PAQR6: variants seen among roughly 807,000 people sequenced by gnomAD.
The protein encoded by PAQR6 is progestin and adipoQ receptor family member 6.
A neutral mutation model predicts 36.2 loss-of-function variants in PAQR6; 34 were observed. That is an observed-to-expected ratio of 0.94 (90% CI 0.71 to 1.25). The LOEUF (loss-of-function observed/expected upper bound fraction) is 1.25. Among genes scored for constraint, PAQR6 ranks in the 50% most tolerant of loss-of-function variants. The pLI, the probability that PAQR6 is intolerant of heterozygous loss-of-function variation, is 0.00. For missense variants in PAQR6, 431 were observed against 445.7 expected, an observed-to-expected ratio of 0.97 and a Z score of 0.30; for synonymous variants, 190 against 190.7, an observed-to-expected ratio of 1.00 and a Z score of 0.03.
chr1:156,247,964 T>TTGGTGGGTGCTCCTAAGC lies in PAQR6; in HGVS notation c.-51_-34dup, dbSNP rs34246510. On this transcript the variant is annotated 5_prime_UTR_variant, in exon 1 of 8. Coordinates refer to ENST00000292291, the MANE Select transcript of PAQR6 (RefSeq NM_198406.3). ...GAAGGTGAGCTTCCTTACCCAGAGC[T>TTGGTGGGTGCTCCTAAGC]TGGTGGGTGCTCCTAAGCTGGTGGG... 2.2e-6 allele frequency: 1 copy of TTGGTGGGTGCTCCTAAGC among 461,664 alleles called. No individual in the cohort carries two copies. Among genetic ancestry groups the TTGGTGGGTGCTCCTAAGC allele is most frequent in the East Asian group, 7.2e-5 (1 of 13,928 alleles). 28.6% of individuals were successfully genotyped at this position (461,664 alleles called of 1,614,324 possible).
chr1:156,246,115 C>T lies in PAQR6; in HGVS notation c.179+8G>A, dbSNP rs773087107. 5 of 1,611,016 alleles carry T rather than the reference C, an allele frequency of 3.1e-6. No homozygotes were observed. Among genetic ancestry groups the T allele is most frequent in the Middle Eastern group, 1.7e-4 (1 of 6,060 alleles). On this transcript the variant is annotated splice_region_variant and intron_variant, in intron 3 of 7. Transcript: ENST00000292291. Reference sequence around the variant, plus strand: ...AAGGCCGCGGCCTGGGGCGGAGCCTCCCCTCACCAGGTGGGCAGGAAGTGA... The same window carrying T: ...AAGGCCGCGGCCTGGGGCGGAGCCTTCCCTCACCAGGTGGGCAGGAAGTGA...
In PAQR6 at chr1:156,243,986, C is replaced by T; in HGVS notation, c.*143G>A. 1 of 1,614,178 alleles carries T rather than the reference C, an allele frequency of 6.2e-7. No homozygotes were observed. Among genetic ancestry groups the T allele is most frequent in the Non-Finnish European group, 8.5e-7 (1 of 1,180,022 alleles). ...CCTAGACACCCCTCCTCTTCTCTGC[C>T]CTCTCTCCTGTGCCCTCTCTCCTCA... is the stretch of plus-strand genomic sequence containing the variant. On this transcript the variant is annotated 3_prime_UTR_variant, in exon 8 of 8. Coordinates refer to ENST00000292291, the MANE Select transcript of PAQR6 (RefSeq NM_198406.3).
Position 156,245,522 on chromosome 1 carries a change from C to A in PAQR6, c.512+13G>T. 6.2e-7 allele frequency: 1 copy of A among 1,611,752 alleles called. No homozygotes were observed. Among genetic ancestry groups the A allele is most frequent in the Non-Finnish European group, 8.5e-7 (1 of 1,179,910 alleles). On this transcript the variant is annotated intron_variant, in intron 5 of 7. Transcript: ENST00000292291. ...GCCTTCCCCGTCCCCACTGGAGGGG[C>A]CTGGGAACCCACCGGGAGTAGCAGG... is the stretch of plus-strand genomic sequence containing the variant.
At position 156,245,953 on chromosome 1, in the gene PAQR6, C is replaced by T; in HGVS notation, c.214G>A (p.Gly72Ser). The change falls in exon 4 of 8, where the codon GGC becomes AGC. Residue 72 changes from glycine to serine, a missense_variant. Gly to Ser is a moderately conservative substitution (Grantham distance 56, BLOSUM62 0). Transcript: ENST00000292291. ...TACGGCTCCGCACGGAAGCCGGGGC[C>T]GCCCGCCAGCGCCAGGAGCCGCCAC... The part of the protein sequence containing the change: ...FLWRLLALAG[G>S]PGFRAEPYHW... The T allele has an allele frequency of 6.5e-7, 1 of 1,530,406 alleles. No homozygotes were observed. Among genetic ancestry groups the T allele is most frequent in the Non-Finnish European group, 8.8e-7 (1 of 1,141,720 alleles). 94.8% of individuals were successfully genotyped at this position (1,530,406 alleles called of 1,614,324 possible).
intron 5 of PAQR6, 130 bp from the exon 6 acceptor site, chr1:156,245,368 G>GA (rs1660230064): frequency 9.5e-6 from 13 of 1,364,824 alleles, no homozygotes; most frequent in Non-Finnish European, 1.3e-5. Flanking sequence ...TAGGGCATAT[G>GA]ACCTCCTGTG....
intron 1 of PAQR6, 83 bp from the exon 2 acceptor site, chr1:156,246,839 G>T: frequency 8.0e-7 from 1 of 1,245,986 alleles, no homozygotes; most frequent in Non-Finnish European, 1.1e-6. Context: ...CGCAGGATGG[G>T]CTGTGCGTGT....
At position 156,245,622 on chromosome 1, in the gene PAQR6, GA is replaced by G. The variant is rs1329208406; in HGVS notation, c.424del (p.Ser142ProfsTer78). 1 of 1,613,336 alleles carries G rather than the reference GA, an allele frequency of 6.2e-7. No individual in the cohort carries two copies. Among genetic ancestry groups the G allele is most frequent in the Non-Finnish European group, 8.5e-7 (1 of 1,180,006 alleles). On this transcript the variant is annotated frameshift_variant, in exon 5 of 8. Transcript: ENST00000292291. LOFTEE classifies it high-confidence loss of function. Reference protein sequence around the residue: ...FPYAAYSMPASWLHGHLHQFF... With the variant: ...FPYAAYSMPAXWLHGHLHQFF... ...CTGGTGCAGGTGGCCGTGCAGCCAG[GA>G]GGCCGGCATGGAGTAGGCGGCATAG...
intron 6 of PAQR6, 35 bp downstream of exon 6, chr1:156,245,107 G>T: frequency 1.2e-6 from 2 of 1,605,852 alleles, no homozygotes; most frequent in Non-Finnish European, 1.7e-6. Context: ...GGACAGGAAA[G>T]CAGGAGTCTG....
At position 156,245,047 on chromosome 1, in the gene PAQR6, T is replaced by C. The variant is rs981794490; in HGVS notation, c.609+95A>G. 18 of 1,599,912 alleles carry C rather than the reference T, an allele frequency of 1.1e-5. No individual in the cohort carries two copies. The African/African-American group carries it at 2.1e-4, about 19-fold the overall frequency. The stretch of plus-strand genomic sequence containing the variant: ...TGGACCCCAAGAGAGGCGGCTGGGC[T>C]GAGGCAGGGACTGAGGGGGCAGGGC... On this transcript the variant is annotated intron_variant, in intron 6 of 7. Coordinates refer to ENST00000292291, the MANE Select transcript of PAQR6 (RefSeq NM_198406.3).
At chr1:156,244,541 T>G in intron 7 of PAQR6, 138 bp from the exon 8 acceptor site, 1 of 1,356,108 alleles carries the variant, frequency 7.4e-7, no homozygotes, top group South Asian at 1.5e-5. Flanking sequence ...AATGAGCATG[T>G]GTGCATGTGG....
Position 156,246,157 on chromosome 1 carries a change from T to C in PAQR6, c.145A>G (p.Thr49Ala), listed in dbSNP as rs569616781. ...VLSSFQMTNE[T>A]VNIWTHFLPT... Reference sequence around the variant, plus strand: ...AGGAAGTGAGTCCAGATGTTGACCGTCTCGTTGGTCATCTGGAAGGAGCTG... The same window carrying C: ...AGGAAGTGAGTCCAGATGTTGACCGCCTCGTTGGTCATCTGGAAGGAGCTG... Residue 49 changes from threonine (T) to alanine (A), a missense_variant, in exon 3 of 8, where the codon ACG becomes GCG. Thr to Ala is a moderately conservative substitution (Grantham distance 58). Coordinates refer to ENST00000292291, the MANE Select transcript of PAQR6 (RefSeq NM_198406.3). 213 of 1,613,256 alleles carry C rather than the reference T, an allele frequency of 1.3e-4. 4 individuals carry two copies. The South Asian group carries it at 2.1e-3, about 16-fold the overall frequency.
intron 2 of PAQR6, 76 bp downstream of exon 2, chr1:156,246,605 A>G: frequency 2.0e-6 from 3 of 1,518,098 alleles, no homozygotes; most frequent in Non-Finnish European, 2.7e-6. Context: ...CCCAATAGCT[A>G]AAAGAGAAGA....
At chr1:156,244,550 G>A in intron 7 of PAQR6, 147 bp from the exon 8 acceptor site, 2 of 1,362,930 alleles carry the variant, frequency 1.5e-6, no homozygotes, top group South Asian at 1.5e-5. Flanking sequence ...GTGTGCATGT[G>A]GCCCCAGCAC....
In PAQR6 at chr1:156,245,884, G is replaced by A; in HGVS notation, c.283C>T (p.Pro95Ser). ...LVFLLPACLY[P>S]FASCCAHTFS... is the part of the protein sequence containing the mutation. The stretch of plus-strand genomic sequence containing the variant: ...GTGTGCGCGCAGCACGACGCGAAGG[G>A]GTAGAGGCAGGCGGGCAGCAGGAAG... Residue 95 changes from proline (P) to serine (S), a missense_variant, in exon 4 of 8, where the codon CCC becomes TCC. Transcript: ENST00000292291. The A allele has an allele frequency of 6.3e-7, 1 of 1,595,826 alleles. No individual in the cohort carries two copies. Among genetic ancestry groups the A allele is most frequent in the Admixed American group, 1.8e-5 (1 of 56,644 alleles).
At chr1:156,246,316 C>A in intron 2 of PAQR6, 66 bp from the exon 3 acceptor site, 1 of 1,440,856 alleles carries the variant, frequency 6.9e-7, no homozygotes, top group South Asian at 1.2e-5. Flanking sequence ...TCTGAGATCT[C>A]TGGAAGCAGG....
intron 2 of PAQR6, 126 bp downstream of exon 2, chr1:156,246,555 T>G: frequency 8.9e-7 from 1 of 1,119,912 alleles, no homozygotes; most frequent in Non-Finnish European, 1.3e-6. Context: ...AGTCTCACAC[T>G]GGAATGGGAG....
Position 156,245,947 on chromosome 1 carries a change from C to G in PAQR6, c.220G>C (p.Gly74Arg). Residue 74 changes from glycine (G) to arginine (R), a missense_variant, in exon 4 of 8, where the codon GGC (glycine) becomes CGC (arginine). Transcript: ENST00000292291. ...WRLLALAGGPGFRAEPYHWPL... is the reference protein window; with the variant it reads ...WRLLALAGGPRFRAEPYHWPL... ...CAGTGGTACGGCTCCGCACGGAAGCCGGGGCCGCCCGCCAGCGCCAGGAGC... is the reference window on the plus strand; with the variant it reads ...CAGTGGTACGGCTCCGCACGGAAGCGGGGGCCGCCCGCCAGCGCCAGGAGC... 2 of 1,524,404 alleles carry G rather than the reference C, an allele frequency of 1.3e-6. No homozygotes were observed. Among genetic ancestry groups the G allele is most frequent in the Non-Finnish European group, 1.8e-6 (2 of 1,139,060 alleles). The allele number at this position is 1,524,404 out of a possible 1,614,324, so 94.4% of individuals were successfully genotyped here.
At chr1:156,244,680 A>G (rs1572530385) in intron 7 of PAQR6, 81 bp downstream of exon 7, 40 of 1,603,406 alleles carry the variant, frequency 2.5e-5, no homozygotes, top group Middle Eastern at 1.7e-4. Flanking sequence ...GGGCTGTAAT[A>G]CCCATTTACC....
chr1:156,247,011 T>C (rs115405994), intron 1 of PAQR6, among the ~76,000 whole-genome samples: 2 of 152,054 alleles, frequency 1.3e-5, no homozygotes, highest in Non-Finnish European at 2.9e-5. Context: ...CAGCAAAGAG[T>C]GGCGGGGTCC....
Sources: allele counts gnomAD v4.1 joint callset (sites outside exome capture counted in the v4.1 genomes callset), GRCh38; gene constraint gnomAD v4.1.1; transcripts MANE v1.5; gene names NCBI Gene and HGNC (gene_info 2026-07-23, HGNC 2026-07-21).